PI3: variants seen among roughly 807,000 people sequenced by gnomAD.
The protein encoded by PI3 is peptidase inhibitor 3.
Under a neutral mutation model 6.0 loss-of-function variants are expected in PI3, and 4 were observed. The ratio of observed to expected loss-of-function variants is 0.67; its 90% CI spans 0.33 to 1.54. The LOEUF (loss-of-function observed/expected upper bound fraction) is 1.54. Among genes scored for constraint, PI3 ranks in the 40% most tolerant of loss-of-function variants. PI3 has a pLI of 0.06. For missense variants in PI3, 149 were observed against 147.6 expected (o/e 1.01, Z -0.05); for synonymous variants, 58 against 56.9 (o/e 1.02, Z -0.09).
chr20:45,176,179 A>G (rs761301838), intron 2 of PI3, 43 bp downstream of exon 2: 19 of 1,601,664 alleles, frequency 1.2e-5, no homozygotes, highest in Non-Finnish European at 1.2e-5. Flanking sequence ...GAAGACACAA[A>G]AGAAGGCTGA....
Position 45,174,949 on chromosome 20 carries a change from G to C in PI3, c.27G>C (p.Val9=). 1 of 1,613,430 alleles carries C rather than the reference G, an allele frequency of 6.2e-7. No homozygotes were observed. The highest frequency in any genetic ancestry group is 2.2e-5 in the East Asian group (1 of 44,820). The change falls in exon 1 of 3, where the codon GTG becomes GTC. Residue 9 remains valine, a synonymous_variant. Coordinates refer to ENST00000243924, the MANE Select transcript of PI3 (RefSeq NM_002638.4). ...TGAGGGCCAGCAGCTTCTTGATCGT[G>C]GTGGTGTTCCTCATCGCTGGGACGC... is the stretch of plus-strand genomic sequence containing the variant. MRASSFLI[V]VVFLIAGTLV...
At position 45,176,080 on chromosome 20, in the gene PI3, G is replaced by A. The variant is rs553204293; in HGVS notation, c.299G>A (p.Gly100Glu). The change falls in exon 2 of 3, where the codon GGA (glycine) becomes GAA (glutamate). Residue 100 changes from glycine (G) to glutamate (E), a missense_variant. Coordinates refer to ENST00000243924, the MANE Select transcript of PI3 (RefSeq NM_002638.4). Reference sequence around the variant, plus strand: ...TGCTTGAAAGATACTGACTGCCCAGGAATCAAGAAGTGCTGTGAAGGCTCT... The same window carrying A: ...TGCTTGAAAGATACTGACTGCCCAGAAATCAAGAAGTGCTGTGAAGGCTCT... ...NRCLKDTDCP[G>E]IKKCCEGSCG... 2.1e-4 allele frequency: 345 copies of A among 1,614,152 alleles called. 7 individuals carry two copies. The South Asian group carries it at 3.4e-3, about 16-fold the overall frequency.
Position 45,176,037 on chromosome 20 carries a change from T to C in PI3, c.256T>C (p.Leu86=). The change falls in exon 2 of 3, where the codon TTG becomes CTG. Residue 86 remains leucine, a synonymous_variant. Coordinates refer to ENST00000243924, the MANE Select transcript of PI3 (RefSeq NM_002638.4). ...CATTATCTTGATCCGGTGCGCCATG[T>C]TGAATCCCCCTAACCGCTGCTTGAA... ...CPIILIRCAM[L]NPPNRCLKDT... The C allele has an allele frequency of 6.2e-7, 1 of 1,614,154 alleles. No homozygotes were observed. The highest frequency in any genetic ancestry group is 8.5e-7 in the Non-Finnish European group (1 of 1,180,008).
rs1189300926 is a variant in PI3, at chr20:45,175,931, A to T, written c.150A>T (p.Gln50His). ...ATGGACAAGATCCCGTTAAAGGACA[A>T]GTTTCAGTTAAAGGTCAAGATAAAG... Reference protein sequence around the residue: ...PFNGQDPVKGQVSVKGQDKVK... With the variant: ...PFNGQDPVKGHVSVKGQDKVK... The change falls in exon 2 of 3, where the codon CAA (glutamine) becomes CAT (histidine). Residue 50 changes from glutamine to histidine, a missense_variant. Transcript: ENST00000243924. 2 of 1,614,086 alleles carry T rather than the reference A, an allele frequency of 1.2e-6. No homozygotes were observed. The highest frequency in any genetic ancestry group is 2.7e-5 in the African/African-American group (2 of 74,932).
chr20:45,176,298 ATC>A, intron 2 of PI3, 70 bp from the exon 3 acceptor site: 1 of 651,360 alleles, frequency 1.5e-6, no homozygotes, highest in South Asian at 1.9e-5. Context: ...TAGAAGGATG[ATC>A]TGTCTTCCTC....
chr20:45,176,491 C>A lies in PI3; in HGVS notation c.*123C>A, dbSNP rs34412950. ...TTCTTCCTCCCATTCAGGATGCCCACGGCTGGAGCTGCCTCTCTCATCCAC... is the reference window on the plus strand; with the variant it reads ...TTCTTCCTCCCATTCAGGATGCCCAAGGCTGGAGCTGCCTCTCTCATCCAC... On this transcript the variant is annotated 3_prime_UTR_variant, in exon 3 of 3. Coordinates refer to ENST00000243924, the MANE Select transcript of PI3 (RefSeq NM_002638.4). 0.16 allele frequency: 40,028 copies of A among 252,610 alleles called. 3,431 individuals are homozygous for A. Among genetic ancestry groups the A allele is most frequent in the Middle Eastern group, 0.24 (180 of 754 alleles). The allele number at this position is 252,610 out of a possible 1,614,324, so 15.6% of individuals were successfully genotyped here. A position where few individuals can be genotyped will look rare whatever the true frequency, so the allele number is the denominator to read the frequency against.
chr20:45,175,849 T>C lies in PI3; in HGVS notation c.80-12T>C, dbSNP rs1031490455. On this transcript the variant is annotated splice_polypyrimidine_tract_variant and intron_variant, in intron 1 of 2. Transcript: ENST00000243924. ...CTGGGTATAAATGTGGGCTCGTTTC[T>C]TCTTTTAACAGTTCCTGTTAAAGGT... 1.9e-6 allele frequency: 3 copies of C among 1,613,462 alleles called. No individual in the cohort carries two copies. Among genetic ancestry groups the C allele is most frequent in the Non-Finnish European group, 1.7e-6 (2 of 1,179,654 alleles).
Position 45,176,150 on chromosome 20 carries a change from G to A in PI3, c.*1+14G>A. On this transcript the variant is annotated intron_variant, in intron 2 of 2. Transcript: ENST00000243924. The stretch of plus-strand genomic sequence containing the variant: ...TTCCCCAGTGAGGTGAGCACTAGCT[G>A]GAGAACGAGGAGACCCCTGAAGACA... The A allele has an allele frequency of 1.2e-6, 2 of 1,613,004 alleles. No individual in the cohort carries two copies. Among genetic ancestry groups the A allele is most frequent in the Non-Finnish European group, 1.7e-6 (2 of 1,179,284 alleles).
chr20:45,175,789 C>T, intron 1 of PI3, 72 bp from the exon 2 acceptor site: 1 of 1,531,982 alleles, frequency 6.5e-7, no homozygotes, highest in Non-Finnish European at 8.9e-7. Context: ...GACCCAGACC[C>T]AGAGGAAAGA....
At position 45,176,067 on chromosome 20, in the gene PI3, A is replaced by T. The variant is rs138718073; in HGVS notation, c.286A>T (p.Thr96Ser). 25 of 1,614,046 alleles carry T rather than the reference A, an allele frequency of 1.5e-5. No individual in the cohort carries two copies. The highest frequency in any genetic ancestry group is 2.0e-5 in the Non-Finnish European group (24 of 1,180,030). Residue 96 changes from threonine (T) to serine (S), a missense_variant, in exon 2 of 3, where the codon ACT becomes TCT. By Grantham distance (58) the Thr-to-Ser change is moderately conservative. Transcript: ENST00000243924. ...TCCCCCTAACCGCTGCTTGAAAGAT[A>T]CTGACTGCCCAGGAATCAAGAAGTG... ...LNPPNRCLKD[T>S]DCPGIKKCCE... is the part of the protein sequence containing the mutation.
Position 45,175,376 on chromosome 20 carries a change from G to A in PI3, c.79+375G>A, listed in dbSNP as rs556550081. Among the ~76,000 whole-genome samples the A allele has an allele frequency of 7.2e-5, 11 of 152,294 alleles. No individual in the cohort carries two copies. In the South Asian group the frequency reaches 2.1e-3, roughly 29 times the overall value. ...CACTGGAGTAATCAGTACTCTAAAA[G>A]GAGGTTAAGAAACAACAAGCCTTCA... On this transcript the variant is annotated intron_variant, in intron 1 of 2. Coordinates refer to ENST00000243924, the MANE Select transcript of PI3 (RefSeq NM_002638.4).
chr20:45,175,135 C>T, intron 1 of PI3, 134 bp downstream of exon 1: 1 of 578,794 alleles, frequency 1.7e-6, no homozygotes, highest in South Asian at 2.5e-5. Flanking sequence ...CTGTTCTTTG[C>T]CATCATATTC....
chr20:45,176,074 G>A lies in PI3; in HGVS notation c.293G>A (p.Cys98Tyr). Residue 98 changes from cysteine to tyrosine, a missense_variant, in exon 2 of 3, where the codon TGC becomes TAC. Physicochemically the swap from Cys to Tyr is radical, Grantham distance 194. Transcript: ENST00000243924. ...AACCGCTGCTTGAAAGATACTGACT[G>A]CCCAGGAATCAAGAAGTGCTGTGAA... ...PPNRCLKDTD[C>Y]PGIKKCCEGS... 1 of 1,614,100 alleles carries A rather than the reference G, an allele frequency of 6.2e-7. No individual in the cohort carries two copies. Among genetic ancestry groups the A allele is most frequent in the South Asian group, 1.1e-5 (1 of 91,082 alleles).
intron 1 of PI3, 62 bp downstream of exon 1, chr20:45,175,063 T>G: frequency 7.4e-7 from 1 of 1,350,568 alleles, no homozygotes; most frequent in South Asian, 1.3e-5. Context: ...TGGGACACCC[T>G]GGGCCAGGAC....
rs530417531 is a variant in PI3, at chr20:45,176,396, G to A, written c.*28G>A. On this transcript the variant is annotated 3_prime_UTR_variant, in exon 3 of 3. Coordinates refer to ENST00000243924, the MANE Select transcript of PI3 (RefSeq NM_002638.4). ...GGGAGCCGGTCCTTGCTGCACCTGT[G>A]CCGTCCCCAGAGCTACAGGCCCCAT... The A allele has an allele frequency of 1.1e-4, 59 of 524,764 alleles. No individual in the cohort carries two copies. The highest frequency in any genetic ancestry group is 1.9e-4 in the Non-Finnish European group (55 of 291,372). 32.5% of individuals were successfully genotyped at this position (524,764 alleles called of 1,614,324 possible). A position where few individuals can be genotyped will look rare whatever the true frequency, so the allele number is the denominator to read the frequency against.
In PI3 at chr20:45,176,343, C is replaced by T. The variant is rs1018928874; in HGVS notation, c.*2-27C>T. Reference sequence around the variant, plus strand: ...CTGAGTGCTTTGATGTGCTGACTCTCACCTCTGATACTCTTCTCTTCCACA... The same window carrying T: ...CTGAGTGCTTTGATGTGCTGACTCTTACCTCTGATACTCTTCTCTTCCACA... On this transcript the variant is annotated intron_variant, in intron 2 of 2. Transcript: ENST00000243924. 1.8e-5 allele frequency: 11 copies of T among 598,848 alleles called. No homozygotes were observed. In the African/African-American group the frequency reaches 1.9e-4, roughly 10 times the overall value. 37.1% of individuals were successfully genotyped at this position (598,848 alleles called of 1,614,324 possible).
chr20:45,176,166 C>G, intron 2 of PI3, 30 bp downstream of exon 2: 2 of 1,609,440 alleles, frequency 1.2e-6, no homozygotes, highest in Non-Finnish European at 1.7e-6. Context: ...CGAGGAGACC[C>G]CTGAAGACAC....
At chr20:45,176,285 G>A in intron 2 of PI3, 85 bp from the exon 3 acceptor site, 1 of 690,312 alleles carries the variant, frequency 1.4e-6, no homozygotes, top group Non-Finnish European at 2.4e-6. Context: ...TAACCAGAGT[G>A]CCTAGAAGGA....
At chr20:45,176,191 C>T (rs1480146563) in intron 2 of PI3, 55 bp downstream of exon 2, 13 of 1,575,924 alleles carry the variant, frequency 8.2e-6, no homozygotes, top group Admixed American at 1.7e-5. Context: ...GAAGGCTGAG[C>T]GGTGGGGAAG....
Sources: allele counts gnomAD v4.1 joint callset (sites outside exome capture counted in the v4.1 genomes callset), GRCh38; gene constraint gnomAD v4.1.1; transcripts MANE v1.5; gene names NCBI Gene and HGNC (gene_info 2026-07-23, HGNC 2026-07-21).